The following NOC2L variants were observed in gnomAD, a reference collection of about 807,000 sequenced individuals.
NOC2L encodes nucleolar complex protein 2 homolog.
NOC2L carries 101 observed loss-of-function variants against 94.2 expected under a neutral mutation model. That is an observed-to-expected ratio of 1.07 (90% CI 0.91 to 1.26). The LOEUF is 1.26. Among genes scored for constraint, NOC2L ranks in the 50% most tolerant of loss-of-function variants. The pLI, the probability that NOC2L is intolerant of heterozygous loss-of-function variation, is 0.00. For synonymous variants in NOC2L, 531 were observed against 413.4 expected (o/e 1.28, Z -3.45); for missense variants, 1,076 against 980.1 (o/e 1.10, Z -1.31).
intron 10 of NOC2L, 51 bp from the exon 11 acceptor site, chr1:952,190 G>A: frequency 1.9e-6 from 3 of 1,600,448 alleles, no homozygotes; most frequent in Non-Finnish European, 2.6e-6. Context: ...AAGTCAGGCT[G>A]ATGCACGTTC....
Position 955,943 on chromosome 1 carries a change from C to G in NOC2L, c.678G>C (p.Lys226Asn). 1.2e-6 allele frequency: 2 copies of G among 1,614,004 alleles called. No individual in the cohort carries two copies. The highest frequency in any genetic ancestry group is 1.1e-5 in the South Asian group (1 of 91,066). ...CTTACCTGCTGCTATCCTTTGCCAC[C>G]TTTCCAAACAGCAGCTTCTGGAGAC... ...IGCLQKLLFGKVAKDSSRMLQ... is the reference protein window; with the variant it reads ...IGCLQKLLFGNVAKDSSRMLQ... Residue 226 changes from lysine (K) to asparagine (N), a missense_variant, in exon 6 of 19, where the codon AAG becomes AAC. This residue lies in a region of NOC2L where 457 missense variants were observed against 386.0 expected (regional missense o/e 1.18). Coordinates refer to ENST00000327044, the MANE Select transcript of NOC2L (RefSeq NM_015658.4).
At chr1:951,727 G>C (rs1052728745) in intron 11 of NOC2L, among the ~76,000 whole-genome samples, 2 of 152,222 alleles carry the variant, frequency 1.3e-5, no homozygotes, top group African/African-American at 4.8e-5. Context: ...ACTGCAAACT[G>C]CACACAAGCC....
At position 946,473 on chromosome 1, in the gene NOC2L, G is replaced by C. The variant is rs559880802; in HGVS notation, c.1732C>G (p.Gln578Glu). 6.2e-7 allele frequency: 1 copy of C among 1,613,298 alleles called. No homozygotes were observed. Among genetic ancestry groups the C allele is most frequent in the Non-Finnish European group, 8.5e-7 (1 of 1,180,004 alleles). ...CTGCAGATGTATGCCGAGTTCTCCT[G>C]AACCTTCCCAAGCAGCTGCTGCACC... The part of the protein sequence containing the change: ...RQVQQLLGKV[Q>E]ENSAYICSRR... Residue 578 changes from glutamine (Q) to glutamate (E), a missense_variant, in exon 15 of 19, where the codon CAG becomes GAG. By Grantham distance (29) the Gln-to-Glu change is conservative. Around this residue, in one of 3 missense-constraint regions of NOC2L, gnomAD observed 615 missense variants for 577.4 expected, o/e 1.07. Coordinates refer to ENST00000327044, the MANE Select transcript of NOC2L (RefSeq NM_015658.4).
Position 944,289 on chromosome 1 carries a change from A to C in NOC2L, c.*405T>G. The stretch of plus-strand genomic sequence containing the variant: ...AATTTTAAAAGAAAATGTGACTTCA[A>C]AGGAAAGGAACAAATTTTCAAAGAC... On this transcript the variant is annotated 3_prime_UTR_variant, in exon 19 of 19. Transcript: ENST00000327044. 7.0e-7 allele frequency: 1 copy of C among 1,421,036 alleles called. No homozygotes were observed. The highest frequency in any genetic ancestry group is 9.2e-7 in the Non-Finnish European group (1 of 1,090,558). 88.0% of individuals were successfully genotyped at this position (1,421,036 alleles called of 1,614,324 possible).
intron 12 of NOC2L, among the ~76,000 whole-genome samples, chr1:950,213 TAC>T (rs1224994390): frequency 6.7e-6 from 1 of 150,284 alleles, no homozygotes; most frequent in African/African-American, 2.5e-5. Context: ...CACGCACAGG[TAC>T]ACACGCACAG....
intron 17 of NOC2L, 134 bp from the exon 18 acceptor site, chr1:945,280 C>T (rs1642070505): frequency 8.2e-7 from 1 of 1,213,086 alleles, no homozygotes. Context: ...GAGAGGAGCC[C>T]TGGGGAGGAA....
Position 952,434 on chromosome 1 carries a change from T to C in NOC2L, c.1169A>G (p.Asn390Ser). ...CACCTTCTTGCGAGTGGTCATGGCG[T>C]TGCGCAGGTGTATGGCGAGCTGGCG... ...YIRQLAIHLR[N>S]AMTTRKKETY... Residue 390 changes from asparagine (N) to serine (S), a missense_variant, in exon 10 of 19, where the codon AAC becomes AGC. Physicochemically the swap from Asn to Ser is conservative, Grantham distance 46 (BLOSUM62 1). Transcript: ENST00000327044. 6.2e-7 allele frequency: 1 copy of C among 1,613,612 alleles called. No homozygotes were observed. Among genetic ancestry groups the C allele is most frequent in the Non-Finnish European group, 8.5e-7 (1 of 1,179,958 alleles).
At position 948,580 on chromosome 1, in the gene NOC2L, G is replaced by A. The variant is rs371695354; in HGVS notation, c.1467C>T (p.Asn489=). Residue 489 remains asparagine (N), a synonymous_variant, in exon 13 of 19, where the codon AAC becomes AAT. Coordinates refer to ENST00000327044, the MANE Select transcript of NOC2L (RefSeq NM_015658.4). ...ILEMFQQVDF[N]RKPGRMSSKP... ...TGGAGCTCATGCGCCCTGGCTTCCT[G>A]TTGAAGTCGACCTGCTGGAACATCT... 126 of 1,607,948 alleles carry A rather than the reference G, an allele frequency of 7.8e-5. No individual in the cohort carries two copies. The highest frequency in any genetic ancestry group is 3.3e-4 in the Middle Eastern group (2 of 6,054).
intron 17 of NOC2L, 159 bp from the exon 18 acceptor site, chr1:945,305 G>T: frequency 1.9e-6 from 2 of 1,029,982 alleles, no homozygotes; most frequent in Non-Finnish European, 2.8e-6. Context: ...GAGGTCACAG[G>T]CCTGGGGACA....
rs1557614805 is a variant in NOC2L at position 945,591 on chromosome 1, G to A, written c.1980C>T (p.Asp660=). 6.2e-7 allele frequency: 1 copy of A among 1,614,110 alleles called. No homozygotes were observed. The highest frequency in any genetic ancestry group is 2.2e-5 in the East Asian group (1 of 44,884). The part of the protein sequence containing the change: ...RRKMADRKDE[D]RKQFKDLFDL... Reference sequence around the variant, plus strand: ...CAAAGAGGTCTTTAAATTGCTTCCTGTCCTCATCCTTCCTGTCAGCCATCT... The same window carrying A: ...CAAAGAGGTCTTTAAATTGCTTCCTATCCTCATCCTTCCTGTCAGCCATCT... The change falls in exon 17 of 19, where the codon GAC becomes GAT. Residue 660 remains aspartate (D), a synonymous_variant. Coordinates refer to ENST00000327044, the MANE Select transcript of NOC2L (RefSeq NM_015658.4).
rs763176615 is a variant in NOC2L at position 944,712 on chromosome 1, C to T, written c.2232G>A (p.Gln744=). 14 of 1,599,154 alleles carry T rather than the reference C, an allele frequency of 8.8e-6. No individual in the cohort carries two copies. In the South Asian group the frequency reaches 8.8e-5, roughly 10 times the overall value. ...QGPEDELEDL[Q]LSEDD is the part of the protein sequence containing the mutation. ...GGCTGCCTCAGTCGTCCTCTGAGAG[C>T]TGCAGATCCTCCAGCTCGTCCTCCG... Residue 744 remains glutamine, a synonymous_variant, in exon 19 of 19, where the codon CAG becomes CAA. Coordinates refer to ENST00000327044, the MANE Select transcript of NOC2L (RefSeq NM_015658.4).
chr1:951,318 C>T lies in NOC2L; in HGVS notation c.1332-80G>A, dbSNP rs1191115941. 5 of 1,061,576 alleles carry T rather than the reference C, an allele frequency of 4.7e-6. No homozygotes were observed. In the Admixed American group the frequency reaches 1.0e-4, roughly 21 times the overall value. 65.8% of individuals were successfully genotyped at this position (1,061,576 alleles called of 1,614,324 possible). On this transcript the variant is annotated intron_variant, in intron 11 of 18. Transcript: ENST00000327044. ...CTCCCCCTGCTGTCTTGGACCTCCT[C>T]CCCCACTCACCGACATCAGACCCCT...
rs374726923 is a variant in NOC2L, at chr1:945,120, G to A, written c.2080C>T (p.His694Tyr). 1 of 1,612,540 alleles carries A rather than the reference G, an allele frequency of 6.2e-7. No homozygotes were observed. Among genetic ancestry groups the A allele is most frequent in the Non-Finnish European group, 8.5e-7 (1 of 1,179,246 alleles). Residue 694 changes from histidine to tyrosine, a missense_variant, in exon 18 of 19, where the codon CAT becomes TAT. By Grantham distance (83) the His-to-Tyr change is moderately conservative. Transcript: ENST00000327044. ...TCCTCTTCATCGTCTTCCACCCCAT[G>A]CCGAGTGCTCAGGGGCCTCAGTATC... ...RGILRPLSTR[H>Y]GVEDDEEDEE...
At position 952,580 on chromosome 1, in the gene NOC2L, C is replaced by T; in HGVS notation, c.1023G>A (p.Val341=). ...CAGGCGAGGTGAACTTGCAGTTCCT[C>T]ACATACGTGATGTACATTTGCTGCG... ...PVLKQMYITY[V]RNCKFTSPGA... Residue 341 remains valine, a synonymous_variant, in exon 10 of 19, where the codon GTG becomes GTA. Coordinates refer to ENST00000327044, the MANE Select transcript of NOC2L (RefSeq NM_015658.4). 6.2e-7 allele frequency: 1 copy of T among 1,613,810 alleles called. No individual in the cohort carries two copies. Among genetic ancestry groups the T allele is most frequent in the Non-Finnish European group, 8.5e-7 (1 of 1,180,014 alleles).
At chr1:955,301 TCTC>T (rs1213802647) in intron 6 of NOC2L, among the ~76,000 whole-genome samples, 1 of 152,188 alleles carries the variant, frequency 6.6e-6, no homozygotes, top group African/African-American at 2.4e-5. Context: ...CTCCTGTGGG[TCTC>T]CTTTCTTCCT....
intron 2 of NOC2L, chr1:957,480 G>A (rs1156460005): frequency 2.1e-5 from 12 of 579,768 alleles, no homozygotes; most frequent in Middle Eastern, 4.6e-4. Context: ...CCCCAGCCGC[G>A]GTCTTCCCTG....
chr1:945,010 C>A (rs3748593), intron 18 of NOC2L, 47 bp downstream of exon 18: 59,234 of 1,613,114 alleles, frequency 0.037, 2,005 homozygotes, highest in African/African-American at 0.18. Flanking sequence ...TGCCCTCCCG[C>A]CAGATGGGCT....
intron 6 of NOC2L, 34 bp from the exon 7 acceptor site, chr1:954,116 C>G (rs533504168): frequency 6.2e-7 from 1 of 1,602,606 alleles, no homozygotes; most frequent in South Asian, 1.1e-5. Context: ...GGCTGGGAGG[C>G]CCCACGGCTC....
At chr1:951,858 G>A in intron 11 of NOC2L, 142 bp downstream of exon 11, 3 of 920,834 alleles carry the variant, frequency 3.3e-6, no homozygotes, top group East Asian at 2.6e-5. Flanking sequence ...AGCAGGTACA[G>A]GGACCCCAGC....
Sources: allele counts gnomAD v4.1 joint callset (sites outside exome capture counted in the v4.1 genomes callset), GRCh38; gene constraint gnomAD v4.1.1; regional missense constraint gnomAD v4.1.1; transcripts MANE v1.5; gene names NCBI Gene and HGNC (gene_info 2026-07-23, HGNC 2026-07-21).